ENKUR: variants seen among roughly 807,000 people sequenced by gnomAD.
ENKUR encodes enkurin.
In ENKUR, 19 loss-of-function variants were observed where a neutral mutation model predicts 27.6. The observed-to-expected ratio is 0.69, with a 90% confidence interval of 0.48 to 1.01. The LOEUF is 1.01. ENKUR is among the 50% of genes least tolerant of loss of function. The probability of loss-of-function intolerance (pLI) is 0.00; values close to 1 mark genes in which losing one functional copy is unlikely to be tolerated. For synonymous variants in ENKUR, 117 were observed against 96.9 expected, an observed-to-expected ratio of 1.21 and a Z score of -1.22; for missense variants, 312 against 310.5, an observed-to-expected ratio of 1.00 and a Z score of -0.04.
At chr10:25,020,237 A>AAT (rs1466042289), upstream of ENKUR, among the ~76,000 whole-genome samples, 2 of 99,966 alleles carry the variant, frequency 2.0e-5, no homozygotes, top group Non-Finnish European at 4.1e-5. Flanking sequence ...TTTTCTTTAA[A>AAT]ATATATCTAT....
At chr10:25,008,285 A>C (rs1255420721) in intron 1 of ENKUR, among the ~76,000 whole-genome samples, 1 of 152,186 alleles carries the variant, frequency 6.6e-6, no homozygotes, top group Non-Finnish European at 1.5e-5. Context: ...CTTTCTTTGA[A>C]TATAAGTTAA....
intron 1 of ENKUR, among the ~76,000 whole-genome samples, chr10:25,003,733 A>G (rs981114410): frequency 6.6e-6 from 1 of 152,166 alleles, no homozygotes; most frequent in African/African-American, 2.4e-5. Flanking sequence ...ATAGGTAAAC[A>G]TGCATTACGG....
chr10:25,022,934 T>C (rs1464485125), intron 2 of ENKUR, among the ~76,000 whole-genome samples: 2 of 152,214 alleles, frequency 1.3e-5, no homozygotes, highest in African/African-American at 4.8e-5. Context: ...TTACAAATTT[T>C]GTCAAAGTTT....
rs73608227 is a variant in ENKUR at position 25,023,377 on chromosome 10, C to A, written c.38-27508G>T. 4,261 of 1,614,138 alleles carry A rather than the reference C, an allele frequency of 2.6e-3. 103 individuals are homozygous for A. The African/African-American group carries it at 0.053, about 20-fold the overall frequency. ...GAAGTCATGGTATTCAACCCACTCT[C>A]TTGTTGGAGACAAAAATATTATCCT... On this transcript the variant is annotated intron_variant, in intron 2 of 5. Transcript: ENST00000615958.
At chr10:25,036,485 TG>T (rs1851010125) in intron 2 of ENKUR, among the ~76,000 whole-genome samples, 1 of 152,184 alleles carries the variant, frequency 6.6e-6, no homozygotes, top group Non-Finnish European at 1.5e-5. Context: ...TTCAAACAGA[TG>T]TTTTTAAAGT....
chr10:25,029,565 T>C lies in ENKUR; in HGVS notation c.37+31547A>G, dbSNP rs1422450854. Among the ~76,000 whole-genome samples, 4 of 152,048 alleles carry C rather than the reference T, an allele frequency of 2.6e-5. No individual in the cohort carries two copies. The East Asian group carries it at 5.8e-4, about 22-fold the overall frequency. On this transcript the variant is annotated intron_variant, in intron 2 of 5. Transcript: ENST00000615958. ...GTAATGTTAGTTAAAAAAAAAATCA[T>C]GAAGTAACTGTTTTCAAATCCATGG...
intron 2 of ENKUR, chr10:25,023,095 C>G: frequency 2.4e-6 from 2 of 840,616 alleles, no homozygotes; most frequent in East Asian, 2.7e-5. Flanking sequence ...ATATTCAGTC[C>G]TATTGGGATT....
At chr10:24,984,963 G>A in intron 4 of ENKUR, 58 bp from the exon 5 acceptor site, 1 of 1,318,102 alleles carries the variant, frequency 7.6e-7, no homozygotes, top group East Asian at 2.3e-5. Flanking sequence ...TAAAGGAAAT[G>A]GGAAAAGCTA....
At chr10:24,996,583 G>A (rs903441723) in intron 2 of ENKUR, among the ~76,000 whole-genome samples, 2 of 152,000 alleles carry the variant, frequency 1.3e-5, no homozygotes, top group Non-Finnish European at 2.9e-5. Flanking sequence ...CAAATGGTTT[G>A]CCACAATGCA....
At chr10:25,057,627 T>G (rs748752287) in intron 2 of ENKUR, among the ~76,000 whole-genome samples, 1 of 152,124 alleles carries the variant, frequency 6.6e-6, no homozygotes, top group Non-Finnish European at 1.5e-5. Context: ...ATATCAAAAT[T>G]ATCACCCTTG....
At chr10:25,017,107 C>T (rs1004774005), upstream of ENKUR, among the ~76,000 whole-genome samples, 6 of 152,236 alleles carry the variant, frequency 3.9e-5, no homozygotes, top group Non-Finnish European at 7.3e-5. Flanking sequence ...GACTCTTCCT[C>T]TAGGTCGTTC....
chr10:25,006,264 G>A (rs749319417), intron 1 of ENKUR, among the ~76,000 whole-genome samples: 4 of 152,094 alleles, frequency 2.6e-5, no homozygotes, highest in Non-Finnish European at 5.9e-5. Flanking sequence ...GGCAACAGTA[G>A]ACTTATGAAA....
At chr10:25,024,920 T>C (rs750383024) in intron 2 of ENKUR, 7 of 1,613,770 alleles carry the variant, frequency 4.3e-6, no homozygotes, top group Non-Finnish European at 5.9e-6. Context: ...TCAATAGATA[T>C]TCTCAAATCT....
intron 3 of ENKUR, among the ~76,000 whole-genome samples, chr10:24,993,196 C>G (rs1183062198): frequency 6.6e-6 from 1 of 152,086 alleles, no homozygotes; most frequent in Non-Finnish European, 1.5e-5. Context: ...AAAAAAAACT[C>G]ACAAATGAGC....
chr10:24,995,986 T>A, intron 2 of ENKUR, 117 bp from the exon 3 acceptor site: 1 of 780,728 alleles, frequency 1.3e-6, no homozygotes, highest in Non-Finnish European at 1.9e-6. Context: ...ATAATATATT[T>A]AAATATTTAA....
intron 3 of ENKUR, 70 bp downstream of exon 3, chr10:24,995,576 A>G: frequency 2.3e-6 from 3 of 1,307,458 alleles, no homozygotes; most frequent in Non-Finnish European, 3.2e-6. Context: ...GATAACATAG[A>G]TGATCATCAT....
intron 2 of ENKUR, chr10:25,024,295 A>G (rs1472865795): frequency 6.2e-7 from 1 of 1,614,220 alleles, no homozygotes; most frequent in East Asian, 2.2e-5. Context: ...TTTACAGCTT[A>G]TGCCTCATAT....
intron 2 of ENKUR, among the ~76,000 whole-genome samples, chr10:25,057,699 G>C (rs909360432): frequency 6.6e-6 from 1 of 152,016 alleles, no homozygotes; most frequent in Non-Finnish European, 1.5e-5. Context: ...ATACAGAAAA[G>C]GGCATTGCCT....
At chr10:25,056,963 C>G (rs866417958) in intron 2 of ENKUR, among the ~76,000 whole-genome samples, 2 of 152,278 alleles carry the variant, frequency 1.3e-5, no homozygotes, top group Non-Finnish European at 1.5e-5. Flanking sequence ...TGTCTGCAGA[C>G]AGATGTCATA....
Sources: allele counts gnomAD v4.1 joint callset (sites outside exome capture counted in the v4.1 genomes callset), GRCh38; gene constraint gnomAD v4.1.1; transcripts MANE v1.5; gene names NCBI Gene and HGNC (gene_info 2026-07-23, HGNC 2026-07-21).